WDR7: variants seen among roughly 807,000 people sequenced by gnomAD.
The protein encoded by WDR7 is WD repeat-containing protein 7.
Under a neutral mutation model 169.4 loss-of-function variants are expected in WDR7, and 46 were observed. The observed-to-expected ratio is 0.27, with a 90% CI of 0.21 to 0.35. The LOEUF (loss-of-function observed/expected upper bound fraction) is 0.35, where lower values mean the gene tolerates loss of function less well. WDR7 is among the 10% of genes least tolerant of loss of function. WDR7 has a pLI of 1.00. For synonymous variants in WDR7, 612 were observed against 666.8 expected (o/e 0.92, Z 1.27); for missense variants, 1,534 against 1,859.3 (o/e 0.83, Z 3.22).
intron 21 of WDR7, among the ~76,000 whole-genome samples, chr18:56,892,708 A>T (rs1409766188): frequency 1.3e-5 from 2 of 152,112 alleles, no homozygotes; most frequent in Non-Finnish European, 2.9e-5. Flanking sequence ...GAAAACTACC[A>T]ATCCCTACTG....
In WDR7 at chr18:56,961,236, A is replaced by C. The variant is rs186420800; in HGVS notation, c.4065-1194A>C. Among the ~76,000 whole-genome samples, 5 of 152,252 alleles carry C rather than the reference A, an allele frequency of 3.3e-5. No individual in the cohort carries two copies. In the East Asian group the frequency reaches 9.7e-4, roughly 29 times the overall value. On this transcript the variant is annotated intron_variant, in intron 25 of 27. Coordinates refer to ENST00000254442, the MANE Select transcript of WDR7 (RefSeq NM_015285.3). ...CACATTCAAATATCTTGTCTCTCTC[A>C]GCCTCTATTACTAGAATATCAGAAA... is the stretch of plus-strand genomic sequence containing the variant.
At chr18:56,723,653 A>G (rs1266596668) in intron 13 of WDR7, among the ~76,000 whole-genome samples, 1 of 152,010 alleles carries the variant, frequency 6.6e-6, no homozygotes, top group African/African-American at 2.4e-5. Flanking sequence ...GTTTTGAGCA[A>G]TTTGATTGTG....
intron 21 of WDR7, among the ~76,000 whole-genome samples, chr18:56,901,222 C>T (rs2046396536): frequency 6.6e-6 from 1 of 152,058 alleles, no homozygotes; most frequent in Non-Finnish European, 1.5e-5. Flanking sequence ...CATAGCAAGA[C>T]CGTGTCTTTG....
At chr18:56,858,209 T>G (rs2045751797) in intron 20 of WDR7, among the ~76,000 whole-genome samples, 1 of 152,202 alleles carries the variant, frequency 6.6e-6, no homozygotes, top group African/African-American at 2.4e-5. Context: ...AAAGTTATGT[T>G]TGACTCTTCA....
chr18:56,769,297 GCAGCCTCGACTTCCA>G (rs2044116250), intron 16 of WDR7, among the ~76,000 whole-genome samples: 1 of 150,672 alleles, frequency 6.6e-6, no homozygotes, highest in Non-Finnish European at 1.5e-5. Context: ...GTGGCTTACC[GCAGCCTCGACTTCCA>G]GTCGAGGCTC....
intron 26 of WDR7, among the ~76,000 whole-genome samples, chr18:56,995,767 T>A (rs2047890898): frequency 6.6e-6 from 1 of 152,232 alleles, no homozygotes; most frequent in South Asian, 2.1e-4. Flanking sequence ...CTGCCTCCTG[T>A]CTGTGTGTAC....
chr18:56,849,132 G>A (rs1458854331), intron 20 of WDR7, among the ~76,000 whole-genome samples: 1 of 152,038 alleles, frequency 6.6e-6, no homozygotes, highest in Non-Finnish European at 1.5e-5. Flanking sequence ...CTTCACAGCT[G>A]ATACATATGC....
chr18:56,914,831 T>G (rs1175000184), intron 21 of WDR7, among the ~76,000 whole-genome samples: 3 of 152,146 alleles, frequency 2.0e-5, no homozygotes, highest in Non-Finnish European at 4.4e-5. Flanking sequence ...CCTATTTTGG[T>G]CTGCCATCCA....
At chr18:56,819,170 G>C (rs916509654) in intron 20 of WDR7, among the ~76,000 whole-genome samples, 5 of 152,168 alleles carry the variant, frequency 3.3e-5, no homozygotes, top group Non-Finnish European at 7.4e-5. Flanking sequence ...TCTGAGCCTA[G>C]TAGCCTTTGT....
At chr18:57,030,081 A>C (rs533871584), downstream of WDR7, 2 of 152,140 alleles carry the variant, frequency 1.3e-5, no homozygotes, top group African/African-American at 4.8e-5. Context: ...GCACCAAATC[A>C]TATCTTGTCA....
At chr18:56,854,123 C>T (rs1015631628) in intron 20 of WDR7, among the ~76,000 whole-genome samples, 5 of 152,160 alleles carry the variant, frequency 3.3e-5, no homozygotes, top group East Asian at 1.9e-4. Flanking sequence ...ACTAAATGTA[C>T]GGGGATTTCT....
intron 20 of WDR7, among the ~76,000 whole-genome samples, chr18:56,853,370 A>G (rs1331045167): frequency 1.3e-5 from 2 of 152,180 alleles, no homozygotes; most frequent in East Asian, 3.9e-4. Flanking sequence ...AATGGTTTAA[A>G]AGACTGTGTG....
At chr18:56,671,425 C>A (rs182097421) in intron 1 of WDR7, among the ~76,000 whole-genome samples, 4 of 152,148 alleles carry the variant, frequency 2.6e-5, no homozygotes, top group Non-Finnish European at 5.9e-5. Flanking sequence ...GCACCTGCCA[C>A]CATGCCTGGC....
chr18:56,933,299 A>G lies in WDR7; in HGVS notation c.3714-2489A>G, dbSNP rs146984881. 1.6e-3 allele frequency among the ~76,000 whole-genome samples: 244 copies of G among 152,290 alleles called. 1 individual carries two copies. The East Asian group carries it at 0.027, about 17-fold the overall frequency. ...CACACATATTTATGTTTCAGATGCA[A>G]TCCTCAGTAGTTCACGAGCCTGGTT... On this transcript the variant is annotated intron_variant, in intron 22 of 27. Transcript: ENST00000254442.
chr18:56,818,000 C>T (rs963615703), intron 20 of WDR7, among the ~76,000 whole-genome samples: 1 of 152,196 alleles, frequency 6.6e-6, no homozygotes, highest in Admixed American at 6.5e-5. Context: ...GCCTCGGTCT[C>T]CCAAAGTGCT....
intron 25 of WDR7, among the ~76,000 whole-genome samples, chr18:56,959,724 G>A (rs755507029): frequency 2.2e-4 from 33 of 152,264 alleles, no homozygotes; most frequent in South Asian, 6.2e-4. Context: ...GATTAGAAAA[G>A]TGCAGCTTTA....
At chr18:56,852,666 C>G (rs1049654433) in intron 20 of WDR7, among the ~76,000 whole-genome samples, 2 of 151,980 alleles carry the variant, frequency 1.3e-5, no homozygotes, top group Admixed American at 6.6e-5. Flanking sequence ...AGTATAAAGG[C>G]TAAACCTAAT....
chr18:56,789,732 CTT>C (rs1162669679), intron 19 of WDR7, among the ~76,000 whole-genome samples: 1 of 152,210 alleles, frequency 6.6e-6, no homozygotes, highest in East Asian at 1.9e-4. Context: ...CTCTCCCTAT[CTT>C]TATACCTTCA....
chr18:56,654,194 C>T (rs762547898), intron 1 of WDR7, among the ~76,000 whole-genome samples: 7 of 152,070 alleles, frequency 4.6e-5, no homozygotes, highest in East Asian at 1.9e-4. Context: ...TGCAGTAGTG[C>T]GATCTTGGCT....
Sources: allele counts gnomAD v4.1 joint callset (sites outside exome capture counted in the v4.1 genomes callset), GRCh38; gene constraint gnomAD v4.1.1; transcripts MANE v1.5; gene names NCBI Gene and HGNC (gene_info 2026-07-23, HGNC 2026-07-21).